Variants in TLE2 observed in about 807,000 individuals in gnomAD.
TLE2 encodes the protein TLE family member 2, transcriptional corepressor, also known as transducin-like enhancer protein 2.
In TLE2, 74 loss-of-function variants were observed where a neutral mutation model predicts 97.2. The observed-to-expected ratio is 0.76, with a 90% CI of 0.63 to 0.92. The LOEUF (loss-of-function observed/expected upper bound fraction) is 0.92. Ranked by LOEUF, TLE2 falls within the 40% of genes least tolerant of loss-of-function variation. TLE2 has a pLI of 0.00. For missense variants in TLE2, 1,038 were observed against 1,008.7 expected (o/e 1.03, Z -0.39); for synonymous variants, 499 against 432.1 (o/e 1.15, Z -1.92).
chr19:3,031,254 G>A (rs542279481), upstream of TLE2, among the ~76,000 whole-genome samples: 63 of 152,194 alleles, frequency 4.1e-4, no homozygotes, highest in African/African-American at 1.4e-3. Context: ...CCTTGGGGGA[G>A]GGTAGCCTTG....
Position 3,025,015 on chromosome 19 carries a change from C to A in TLE2, c.294+5G>T. ...CCTCCTCCCCCCACCCCCAGGCCCACTCACCTCCTGGGTCAGGAAGGGGAT... is the reference window on the plus strand; with the variant it reads ...CCTCCTCCCCCCACCCCCAGGCCCAATCACCTCCTGGGTCAGGAAGGGGAT... On this transcript the variant is annotated splice_donor_5th_base_variant and intron_variant, in intron 5 of 19. Transcript: ENST00000262953. 6.3e-7 allele frequency: 1 copy of A among 1,591,470 alleles called. No homozygotes were observed.
chr19:3,031,702 C>T (rs1441875676), upstream of TLE2, among the ~76,000 whole-genome samples: 1 of 152,140 alleles, frequency 6.6e-6, no homozygotes. Flanking sequence ...TGGCCTCACA[C>T]CAGGCACAGT....
intron 1 of TLE2, among the ~76,000 whole-genome samples, chr19:3,041,417 A>C (rs1480586594): frequency 6.6e-6 from 1 of 152,096 alleles, no homozygotes; most frequent in African/African-American, 2.4e-5. Flanking sequence ...TGATGGGTAC[A>C]GTGCCGCCTC....
Position 3,019,197 on chromosome 19 carries a change from C to T in TLE2, c.550+86G>A. On this transcript the variant is annotated intron_variant, in intron 7 of 19. Coordinates refer to ENST00000262953, the MANE Select transcript of TLE2 (RefSeq NM_003260.5). This position sits in a 1 kb window ranked among gnomAD's most constrained non-coding sequence, Gnocchi z 5.1. The stretch of plus-strand genomic sequence containing the variant: ...ATAGGCATGAGCCACTTCATCCCCT[C>T]ACGCTGATGTTTGCTACCCTGGACT... 1 of 1,502,342 alleles carries T rather than the reference C, an allele frequency of 6.7e-7. No homozygotes were observed. Among genetic ancestry groups the T allele is most frequent in the East Asian group, 2.5e-5 (1 of 40,504 alleles). The allele number at this position is 1,502,342 out of a possible 1,614,324, so 93.1% of individuals were successfully genotyped here.
At chr19:3,042,041 G>A (rs2090107327) in intron 1 of TLE2, among the ~76,000 whole-genome samples, 1 of 151,756 alleles carries the variant, frequency 6.6e-6, no homozygotes, top group Non-Finnish European at 1.5e-5. Flanking sequence ...CGTGTTCCCC[G>A]ACAGGCCCGG....
At chr19:3,025,556 A>C in intron 4 of TLE2, 10 of 987,734 alleles carry the variant, frequency 1.0e-5, no homozygotes, top group Non-Finnish European at 1.2e-5. Context: ...CTGATCTACC[A>C]GCTGGGGATG....
In TLE2 at chr19:3,019,357, G is replaced by C; in HGVS notation, c.476C>G (p.Ala159Gly). ...CGCCAGCTGAGCCTGGGCAGCCAGG[G>C]CTCCAGACAGAGCAAGCAGCCCCGT... Reference protein sequence around the residue: ...SATGLLALSGALAAQAQLAAA... With the variant: ...SATGLLALSGGLAAQAQLAAA... Residue 159 changes from alanine (A) to glycine (G), a missense_variant, in exon 7 of 20, where the codon GCC becomes GGC. Ala to Gly is a moderately conservative substitution (Grantham distance 60). Transcript: ENST00000262953. The surrounding 1 kb of genome is among the most constrained non-coding windows in gnomAD (Gnocchi z 5.1). The C allele has an allele frequency of 6.4e-7, 1 of 1,563,392 alleles. No individual in the cohort carries two copies. Among genetic ancestry groups the C allele is most frequent in the Middle Eastern group, 1.7e-4 (1 of 5,730 alleles).
intron 12 of TLE2, 116 bp downstream of exon 12, chr19:3,010,906 C>G: frequency 7.2e-7 from 1 of 1,395,168 alleles, no homozygotes; most frequent in East Asian, 2.6e-5. Flanking sequence ...CAAAAAGGAC[C>G]AAGGCAATGA....
intron 8 of TLE2, 71 bp downstream of exon 8, chr19:3,017,769 C>A: frequency 4.8e-6 from 7 of 1,457,818 alleles, no homozygotes; most frequent in East Asian, 2.3e-5. Flanking sequence ...CATTCTGAGG[C>A]CCCCATCAGC....
intron 19 of TLE2, among the ~76,000 whole-genome samples, chr19:2,998,239 G>GTA (rs1384739241): frequency 7.9e-4 from 8 of 10,086 alleles, no homozygotes; most frequent in Admixed American, 2.1e-3. Flanking sequence ...CCCGGCCAAT[G>GTA]TGTGTGTGTG....
Position 3,042,926 on chromosome 19 carries a change from C to A in TLE2, c.63+2800G>T, listed in dbSNP as rs192000227. On this transcript the variant is annotated intron_variant, in intron 1 of 18. Transcript: ENST00000426948. ...GAGAAAGTTAGAGGGGAATCCTAGG[C>A]CCTCAGAGGGGAAACCAGGCAGGGG... 8.3e-4 allele frequency among the ~76,000 whole-genome samples: 127 copies of A among 152,160 alleles called. 2 individuals are homozygous for A. Among genetic ancestry groups the A allele is most frequent in the African/African-American group, 3.0e-3 (124 of 41,502 alleles).
In TLE2 at chr19:3,006,623, G is replaced by T; in HGVS notation, c.1297C>A (p.Pro433Thr). 1 of 1,610,780 alleles carries T rather than the reference G, an allele frequency of 6.2e-7. No individual in the cohort carries two copies. The highest frequency in any genetic ancestry group is 2.2e-5 in the East Asian group (1 of 44,792). Residue 433 changes from proline to threonine, a missense_variant, in exon 15 of 20, where the codon CCC becomes ACC. Pro to Thr is a conservative substitution (Grantham distance 38). Transcript: ENST00000262953. ...VSADGQMQPV[P>T]FPSDALVGAG... ...CCTACCAGTGCATCCGAGGGGAAGGGAACCGGCTGCATCTGCCCGTCCGCA... is the reference window on the plus strand; with the variant it reads ...CCTACCAGTGCATCCGAGGGGAAGGTAACCGGCTGCATCTGCCCGTCCGCA...
At chr19:3,017,113 G>A (rs908376571) in intron 8 of TLE2, among the ~76,000 whole-genome samples, 13 of 147,456 alleles carry the variant, frequency 8.8e-5, no homozygotes, top group African/African-American at 3.4e-4. Flanking sequence ...CCGGGCTATG[G>A]ATCTTGTTTT....
intron 8 of TLE2, among the ~76,000 whole-genome samples, chr19:3,016,355 C>T (rs1421108132): frequency 6.9e-6 from 1 of 144,026 alleles, no homozygotes; most frequent in Non-Finnish European, 1.5e-5. Flanking sequence ...GCGGGCGGAT[C>T]ACAAGGTCAG....
chr19:2,998,730 C>T (rs1021380891), intron 19 of TLE2, among the ~76,000 whole-genome samples: 3 of 152,150 alleles, frequency 2.0e-5, no homozygotes, highest in Non-Finnish European at 4.4e-5. Context: ...TTGTTTTCTA[C>T]AGACAGGTGC....
Position 2,997,657 on chromosome 19 carries a change from T to C in TLE2, c.*191A>G, listed in dbSNP as rs1038448067. The C allele has an allele frequency of 1.7e-6, 1 of 582,094 alleles. No individual in the cohort carries two copies. The highest frequency in any genetic ancestry group is 2.8e-5 in the East Asian group (1 of 35,892). 36.1% of individuals were successfully genotyped at this position (582,094 alleles called of 1,614,324 possible). On this transcript the variant is annotated 3_prime_UTR_variant, in exon 20 of 20. Coordinates refer to ENST00000262953, the MANE Select transcript of TLE2 (RefSeq NM_003260.5). ...GAGAAGTGCGGATGTGATAGATACATTTTATTTCCACCGAGGTCCCCTGCC... is the reference window on the plus strand; with the variant it reads ...GAGAAGTGCGGATGTGATAGATACACTTTATTTCCACCGAGGTCCCCTGCC...
intron 4 of TLE2, among the ~76,000 whole-genome samples, 186 bp downstream of exon 4, chr19:3,027,643 C>T (rs1183455104): frequency 1.3e-5 from 2 of 152,152 alleles, no homozygotes; most frequent in African/African-American, 2.4e-5. Flanking sequence ...GACTCATTTT[C>T]CTTCCACGAG....
chr19:3,036,971 G>C (rs2090067628), intron 1 of TLE2, among the ~76,000 whole-genome samples: 1 of 152,198 alleles, frequency 6.6e-6, no homozygotes, highest in African/African-American at 2.4e-5. Context: ...TAGCTTTCTA[G>C]ATGTTGGGTG....
chr19:3,010,972 C>G, intron 12 of TLE2, 50 bp downstream of exon 12: 1 of 1,568,458 alleles, frequency 6.4e-7, no homozygotes, highest in African/African-American at 1.4e-5. Context: ...CCTAGATCTC[C>G]CCAGAGACGA....
Sources: allele counts gnomAD v4.1 joint callset (sites outside exome capture counted in the v4.1 genomes callset), GRCh38; gene constraint gnomAD v4.1.1; non-coding constraint Gnocchi (gnomAD v3.1); transcripts MANE v1.5; gene names NCBI Gene and HGNC (gene_info 2026-07-23, HGNC 2026-07-21).